Variants in TARS1 observed in about 807,000 individuals in gnomAD.
TARS1 encodes the protein threonyl-tRNA synthetase 1, also known as threonine--tRNA ligase 1, cytoplasmic.
TARS1 carries 57 observed loss-of-function variants against 97.7 expected under a neutral mutation model. The observed-to-expected ratio is 0.58, with a 90% confidence interval of 0.47 to 0.73. The LOEUF (loss-of-function observed/expected upper bound fraction) is 0.73, where lower values mean the gene tolerates loss of function less well. Ranked by LOEUF, TARS1 falls within the 30% of genes least tolerant of loss-of-function variation. The pLI is 0.00. For synonymous variants in TARS1, 312 were observed against 293.7 expected (o/e 1.06, Z -0.64); for missense variants, 806 against 888.3 (o/e 0.91, Z 1.18).
rs1032516386 is a variant in TARS1, at chr5:33,463,970, T to C, written c.1908+145T>C. The C allele has an allele frequency of 1.2e-5, 8 of 669,638 alleles. No individual in the cohort carries two copies. In the Admixed American group the frequency reaches 1.4e-4, roughly 11 times the overall value. The allele number at this position is 669,638 out of a possible 1,614,324, so 41.5% of individuals were successfully genotyped here. On this transcript the variant is annotated intron_variant, in intron 17 of 18. Transcript: ENST00000265112. ...TTAATCTTTGTTAAGCCTGAATAGA[T>C]TATATTACTTCTTTAATGCTTTTCT... is the stretch of plus-strand genomic sequence containing the variant.
Position 33,458,548 on chromosome 5 carries a change from T to C in TARS1, c.985-18T>C. On this transcript the variant is annotated intron_variant, in intron 9 of 18. Transcript: ENST00000265112. ...TACGTGACGTACATAAACATTCTTT[T>C]GCTTTTCTTTTACCCAGGACCAAGA... 1 of 1,602,720 alleles carries C rather than the reference T, an allele frequency of 6.2e-7. No individual in the cohort carries two copies. Among genetic ancestry groups the C allele is most frequent in the Non-Finnish European group, 8.5e-7 (1 of 1,174,372 alleles).
At chr5:33,460,357 T>A (rs768751314) in intron 11 of TARS1, among the ~76,000 whole-genome samples, 1 of 152,178 alleles carries the variant, frequency 6.6e-6, no homozygotes, top group Non-Finnish European at 1.5e-5. Context: ...AGATGAAATA[T>A]GGGGGTGTAA....
In TARS1 at chr5:33,467,966, A is replaced by G; in HGVS notation, c.*258A>G. 3 of 350,200 alleles carry G rather than the reference A, an allele frequency of 8.6e-6. No individual in the cohort carries two copies. Among genetic ancestry groups the G allele is most frequent in the Non-Finnish European group, 5.1e-6 (1 of 195,980 alleles). 21.7% of individuals were successfully genotyped at this position (350,200 alleles called of 1,614,324 possible). ...GAGTACTGGAAGTGAAACATGAGGA[A>G]TGCTTTAGTGTAATGTGGGAGAACT... On this transcript the variant is annotated 3_prime_UTR_variant, in exon 19 of 19. Coordinates refer to ENST00000265112, the MANE Select transcript of TARS1 (RefSeq NM_152295.5).
At chr5:33,446,433 G>A (rs3777079) in intron 2 of TARS1, among the ~76,000 whole-genome samples, 77,222 of 152,136 alleles carry the variant, frequency 0.51, 20,797 homozygotes, top group East Asian at 0.75. Context: ...ACAAACATAC[G>A]TGCTGTTCCA....
intron 2 of TARS1, 83 bp from the exon 3 acceptor site, chr5:33,448,458 T>G: frequency 2.4e-6 from 3 of 1,234,540 alleles, no homozygotes; most frequent in Non-Finnish European, 2.2e-6. Flanking sequence ...TTCTGTATTG[T>G]TTTTATTATT....
Position 33,440,981 on chromosome 5 carries a change from C to T in TARS1, c.-106C>T. 7.6e-6 allele frequency: 11 copies of T among 1,442,220 alleles called. No homozygotes were observed. The highest frequency in any genetic ancestry group is 1.1e-5 in the Non-Finnish European group (11 of 1,040,176). The allele number at this position is 1,442,220 out of a possible 1,614,324, so 89.3% of individuals were successfully genotyped here. A position where few individuals can be genotyped will look rare whatever the true frequency, so the allele number is the denominator to read the frequency against. ...GCGCCTTTCGATTGCATCAGCTGGTCCAGCCGAGGCCAAGTCCCGGGCGCT... is the reference window on the plus strand; with the variant it reads ...GCGCCTTTCGATTGCATCAGCTGGTTCAGCCGAGGCCAAGTCCCGGGCGCT... On this transcript the variant is annotated 5_prime_UTR_variant, in exon 1 of 19. Coordinates refer to ENST00000265112, the MANE Select transcript of TARS1 (RefSeq NM_152295.5).
chr5:33,444,716 G>A (rs1741321026), intron 1 of TARS1, among the ~76,000 whole-genome samples: 1 of 152,152 alleles, frequency 6.6e-6, no homozygotes, highest in South Asian at 2.1e-4. Flanking sequence ...CACATTTCCT[G>A]TATTCTCAGA....
chr5:33,442,945 G>A (rs1741188045), intron 1 of TARS1, among the ~76,000 whole-genome samples: 1 of 152,056 alleles, frequency 6.6e-6, no homozygotes, highest in Non-Finnish European at 1.5e-5. Flanking sequence ...GTATCCTATA[G>A]CCAATACTAA....
intron 2 of TARS1, among the ~76,000 whole-genome samples, chr5:33,448,326 T>A (rs1436873786): frequency 6.6e-6 from 1 of 152,232 alleles, no homozygotes; most frequent in African/African-American, 2.4e-5. Flanking sequence ...ATGGTAATTG[T>A]CGATTCAGCA....
At chr5:33,460,859 G>C in intron 11 of TARS1, 43 bp from the exon 12 acceptor site, 1 of 1,609,094 alleles carries the variant, frequency 6.2e-7, no homozygotes, top group Non-Finnish European at 8.5e-7. Flanking sequence ...TACAGAAGCA[G>C]TTTTATTCTT....
intron 2 of TARS1, among the ~76,000 whole-genome samples, chr5:33,447,331 C>T (rs1741468423): frequency 1.3e-5 from 2 of 152,156 alleles, no homozygotes; most frequent in African/African-American, 2.4e-5. Flanking sequence ...ACTGCAACCT[C>T]CACCTCCCAG....
At chr5:33,440,830 G>T (rs1164577273), upstream of TARS1, 1 of 549,840 alleles carries the variant, frequency 1.8e-6, no homozygotes, top group Non-Finnish European at 3.2e-6. Flanking sequence ...CACCCTCCGC[G>T]ACCTGATTTC....
rs557907317 is a variant in TARS1, at chr5:33,461,522, G to A, written c.1552-145G>A. ...AGCTATAAGCTTTAAAAAGGGGTTGGTATGAGCATATGTTCAGGTGGACAA... is the reference window on the plus strand; with the variant it reads ...AGCTATAAGCTTTAAAAAGGGGTTGATATGAGCATATGTTCAGGTGGACAA... On this transcript the variant is annotated intron_variant, in intron 13 of 18. Transcript: ENST00000265112. 2.5e-5 allele frequency: 24 copies of A among 960,560 alleles called. No individual in the cohort carries two copies. In the South Asian group the frequency reaches 4.2e-4, roughly 17 times the overall value. 59.5% of individuals were successfully genotyped at this position (960,560 alleles called of 1,614,324 possible). A position where few individuals can be genotyped will look rare whatever the true frequency, so the allele number is the denominator to read the frequency against.
At chr5:33,441,176 C>T (rs769539263) in intron 1 of TARS1, 33 bp downstream of exon 1, 8 of 1,613,446 alleles carry the variant, frequency 5.0e-6, no homozygotes, top group African/African-American at 1.3e-5. Flanking sequence ...AGAGACCAGC[C>T]TGGGACTCTA....
intron 1 of TARS1, among the ~76,000 whole-genome samples, chr5:33,443,449 C>A (rs890358284): frequency 5.3e-5 from 8 of 150,250 alleles, no homozygotes; most frequent in Non-Finnish European, 1.2e-4. Flanking sequence ...CCATTTTAAA[C>A]CTGCACAGAC....
intron 16 of TARS1, 32 bp downstream of exon 16, chr5:33,462,235 T>G (rs1329121745): frequency 1.3e-6 from 2 of 1,567,794 alleles, no homozygotes; most frequent in African/African-American, 1.4e-5. Context: ...TTTTTCTGAT[T>G]AGTATAAATT....
At chr5:33,454,903 A>G (rs763824231) in intron 4 of TARS1, 42 bp from the exon 5 acceptor site, 4 of 1,596,342 alleles carry the variant, frequency 2.5e-6, no homozygotes, top group Non-Finnish European at 1.7e-6. Context: ...GGCAACTTGT[A>G]TGCCAAGACT....
Position 33,460,890 on chromosome 5 carries a change from T to C in TARS1, c.1251-12T>C, listed in dbSNP as rs755895068. ...TTCTTAAGTGTCCGTGGACTTTTCTTTTTCTCTTCAGCCTTATGTTTGATC... is the reference window on the plus strand; with the variant it reads ...TTCTTAAGTGTCCGTGGACTTTTCTCTTTCTCTTCAGCCTTATGTTTGATC... On this transcript the variant is annotated splice_polypyrimidine_tract_variant and intron_variant, in intron 11 of 18. Transcript: ENST00000265112. The C allele has an allele frequency of 6.2e-7, 1 of 1,613,586 alleles. No individual in the cohort carries two copies. The highest frequency in any genetic ancestry group is 8.5e-7 in the Non-Finnish European group (1 of 1,179,886).
Position 33,441,033 on chromosome 5 carries a change from T to C in TARS1, c.-54T>C. The C allele has an allele frequency of 1.2e-6, 2 of 1,612,174 alleles. No homozygotes were observed. Among genetic ancestry groups the C allele is most frequent in the Non-Finnish European group, 1.7e-6 (2 of 1,178,626 alleles). ...GCCCACCTCCCACCCGCCTCTTGGCTCCTCTCCTCTAGGCCGTCGCTTTCG... is the reference window on the plus strand; with the variant it reads ...GCCCACCTCCCACCCGCCTCTTGGCCCCTCTCCTCTAGGCCGTCGCTTTCG... On this transcript the variant is annotated 5_prime_UTR_variant, in exon 1 of 19. Coordinates refer to ENST00000265112, the MANE Select transcript of TARS1 (RefSeq NM_152295.5).
Sources: allele counts gnomAD v4.1 joint callset (sites outside exome capture counted in the v4.1 genomes callset), GRCh38; gene constraint gnomAD v4.1.1; transcripts MANE v1.5; gene names NCBI Gene and HGNC (gene_info 2026-07-23, HGNC 2026-07-21).